EXOSC2: variants seen among roughly 807,000 people sequenced by gnomAD.
The protein encoded by EXOSC2 is exosome complex component RRP4.
EXOSC2 carries 29 observed loss-of-function variants against 37.6 expected under a neutral mutation model. The ratio of observed to expected loss-of-function variants is 0.77; its 90% confidence interval spans 0.57 to 1.05. EXOSC2 has a LOEUF of 1.05. Ranked by LOEUF, EXOSC2 falls within the 50% of genes least tolerant of loss-of-function variation. EXOSC2 has a pLI of 0.00. For missense variants in EXOSC2, 346 were observed against 365.6 expected (o/e 0.95, Z 0.44); for synonymous variants, 119 against 131.1 (o/e 0.91, Z 0.63).
intron 5 of EXOSC2, among the ~76,000 whole-genome samples, chr9:130,700,332 TA>T (rs1564257614): frequency 8.6e-6 from 1 of 116,444 alleles, no homozygotes; most frequent in Non-Finnish European, 1.8e-5. Flanking sequence ...GTCTTTATTT[TA>T]TTTATTTATT....
chr9:130,702,730 G>T (rs755000078), intron 7 of EXOSC2, among the ~76,000 whole-genome samples: 5 of 152,140 alleles, frequency 3.3e-5, no homozygotes, highest in Non-Finnish European at 2.9e-5. Flanking sequence ...GAGTAGCTGG[G>T]ATTACAGGTG....
At position 130,702,189 on chromosome 9, in the gene EXOSC2, C is replaced by T; in HGVS notation, c.551C>T (p.Thr184Ile). Reference sequence around the variant, plus strand: ...CCCTCCCTGGTGAAACGGCAGAAGACCCACTTTCATGATTTGCCATGTGGT... The same window carrying T: ...CCCTCCCTGGTGAAACGGCAGAAGATCCACTTTCATGATTTGCCATGTGGT... ...VSPSLVKRQK[T>I]HFHDLPCGAS... Residue 184 changes from threonine (T) to isoleucine (I), a missense_variant, in exon 7 of 9, where the codon ACC (threonine) becomes ATC (isoleucine). Thr to Ile is a moderately conservative substitution (Grantham distance 89). Transcript: ENST00000372358. 6.2e-7 allele frequency: 1 copy of T among 1,614,120 alleles called. No individual in the cohort carries two copies. The highest frequency in any genetic ancestry group is 8.5e-7 in the Non-Finnish European group (1 of 1,180,026).
rs746209114 is a variant in EXOSC2 at position 130,698,294 on chromosome 9, T to TG, written c.360+49dup. On this transcript the variant is annotated intron_variant, in intron 4 of 8. Coordinates refer to ENST00000372358, the MANE Select transcript of EXOSC2 (RefSeq NM_014285.7). The surrounding 1 kb of genome is among the most constrained non-coding windows in gnomAD (Gnocchi z 4.1). ...GGCCATGGACTAGGGCCCAGTGGGCTGGGGGGAGCCGTGGGACCCTTTGTT... is the reference window on the plus strand; with the variant it reads ...GGCCATGGACTAGGGCCCAGTGGGCTGGGGGGGAGCCGTGGGACCCTTTGTT... 1 of 1,577,078 alleles carries TG rather than the reference T, an allele frequency of 6.3e-7. No homozygotes were observed. Among genetic ancestry groups the TG allele is most frequent in the Non-Finnish European group, 8.7e-7 (1 of 1,148,300 alleles).
At chr9:130,702,910 C>T in intron 7 of EXOSC2, 143 bp from the exon 8 acceptor site, 2 of 1,015,342 alleles carry the variant, frequency 2.0e-6, no homozygotes, top group Non-Finnish European at 2.9e-6. Flanking sequence ...TTTTAATCTC[C>T]CTTGGAATTA....
At chr9:130,695,857 T>C (rs944693744) in intron 2 of EXOSC2, among the ~76,000 whole-genome samples, 3 of 131,694 alleles carry the variant, frequency 2.3e-5, no homozygotes, top group South Asian at 2.2e-4. Context: ...GATTTTCTCT[T>C]TTTTTTTTTT....
intron 1 of EXOSC2, 141 bp from the exon 2 acceptor site, chr9:130,695,351 A>T: frequency 2.9e-6 from 2 of 701,370 alleles, no homozygotes; most frequent in Non-Finnish European, 2.6e-6. Flanking sequence ...AGGAGCACTG[A>T]AGGCAGAGGG....
At chr9:130,702,437 C>A in intron 7 of EXOSC2, 127 bp downstream of exon 7, 1 of 711,954 alleles carries the variant, frequency 1.4e-6, no homozygotes, top group Non-Finnish European at 2.3e-6. Flanking sequence ...TTTGACTTTC[C>A]ATCACGGTAT....
intron 6 of EXOSC2, 140 bp downstream of exon 6, chr9:130,701,075 G>A (rs955275718): frequency 1.1e-5 from 8 of 741,710 alleles, no homozygotes; most frequent in South Asian, 5.2e-5. Context: ...CAAACTGATC[G>A]TGTTCCTTAA....
chr9:130,700,453 G>A (rs975172477), intron 5 of EXOSC2, among the ~76,000 whole-genome samples: 5 of 151,476 alleles, frequency 3.3e-5, no homozygotes, highest in Admixed American at 6.6e-5. Flanking sequence ...TCTGCCTCCC[G>A]GGTTCAAGCG....
Position 130,694,381 on chromosome 9 carries a change from G to A in EXOSC2, c.122+468G>A, listed in dbSNP as rs1831046231. Among the ~76,000 whole-genome samples the A allele has an allele frequency of 6.6e-6, 1 of 152,136 alleles. No homozygotes were observed. The highest frequency in any genetic ancestry group is 1.5e-5 in the Non-Finnish European group (1 of 68,038). On this transcript the variant is annotated intron_variant, in intron 1 of 8. Transcript: ENST00000372358. The surrounding 1 kb of genome is among the most constrained non-coding windows in gnomAD (Gnocchi z 4.0). ...CATTTATACACATTTTGAATCTAAGGGGTGTAGTGCAGTGTATTGTGGTTA... is the reference window on the plus strand; with the variant it reads ...CATTTATACACATTTTGAATCTAAGAGGTGTAGTGCAGTGTATTGTGGTTA...
Position 130,693,837 on chromosome 9 carries a change from G to T in EXOSC2, c.46G>T (p.Glu16Ter). The T allele has an allele frequency of 6.2e-7, 1 of 1,612,042 alleles. No homozygotes were observed. Among genetic ancestry groups the T allele is most frequent in the Non-Finnish European group, 8.5e-7 (1 of 1,178,638 alleles). ...RLPVARKPLS[E>*]RLGRDTKKHL... ...TCCAGTGGCTCGCAAGCCTCTTAGC[G>T]AGAGACTGGGCCGCGACACTAAGAA... Residue 16 changes from glutamate to a stop codon, truncating the protein, a stop_gained, in exon 1 of 9, where the codon GAG becomes TAG. Coordinates refer to ENST00000372358, the MANE Select transcript of EXOSC2 (RefSeq NM_014285.7). LOFTEE classifies it high-confidence loss of function.
intron 1 of EXOSC2, among the ~76,000 whole-genome samples, chr9:130,695,049 T>C (rs1831063042): frequency 6.6e-6 from 1 of 152,212 alleles, no homozygotes; most frequent in African/African-American, 2.4e-5. Context: ...TCATTAATGC[T>C]TTCAACATAT....
rs1389733641 is a variant in EXOSC2 at position 130,698,268 on chromosome 9, G to A, written c.360+17G>A. 4 of 1,612,692 alleles carry A rather than the reference G, an allele frequency of 2.5e-6. No homozygotes were observed. The South Asian group carries it at 3.3e-5, about 13-fold the overall frequency. On this transcript the variant is annotated intron_variant, in intron 4 of 8. Transcript: ENST00000372358. The surrounding 1 kb of genome is among the most constrained non-coding windows in gnomAD (Gnocchi z 4.1). ...GGAGAGCTGGTAAGGGCTACAGCTG[G>A]GGCCATGGACTAGGGCCCAGTGGGC...
Position 130,698,935 on chromosome 9 carries a change from AC to A in EXOSC2, c.361-393del, listed in dbSNP as rs1487929854. ...GAGTTGATCCTGGAAGGATGGAGAG[AC>A]TTTGAATGACTAGTTCAGGGAATCT... On this transcript the variant is annotated intron_variant, in intron 4 of 8. Transcript: ENST00000372358. This position sits in a 1 kb window ranked among gnomAD's most constrained non-coding sequence, Gnocchi z 4.1. Among the ~76,000 whole-genome samples, 2 of 152,188 alleles carry A rather than the reference AC, an allele frequency of 1.3e-5. No individual in the cohort carries two copies. Among genetic ancestry groups the A allele is most frequent in the Non-Finnish European group, 2.9e-5 (2 of 68,046 alleles).
At chr9:130,697,297 G>A (rs2269337) in intron 2 of EXOSC2, among the ~76,000 whole-genome samples, 53,747 of 152,084 alleles carry the variant, frequency 0.35, 12,921 homozygotes, top group African/African-American at 0.67. Flanking sequence ...AAAATAGTCC[G>A]TGTTTTTCAT....
intron 7 of EXOSC2, among the ~76,000 whole-genome samples, chr9:130,702,840 G>A (rs2314064): frequency 0.033 from 4,978 of 152,134 alleles, 102 homozygotes; most frequent in Middle Eastern, 0.065. Flanking sequence ...TGATCCACCC[G>A]CCTCGGCCTC....
chr9:130,701,037 C>G, intron 6 of EXOSC2, 102 bp downstream of exon 6: 1 of 1,089,726 alleles, frequency 9.2e-7, no homozygotes, highest in Non-Finnish European at 1.4e-6. Flanking sequence ...ACCCCAGTAG[C>G]TAAGCATTAA....
chr9:130,702,040 A>C, intron 6 of EXOSC2, 94 bp from the exon 7 acceptor site: 1 of 1,484,116 alleles, frequency 6.7e-7, no homozygotes, highest in Non-Finnish European at 9.0e-7. Flanking sequence ...GAAGGACACC[A>C]ATTTGAATAT....
chr9:130,693,789 A>G lies in EXOSC2; in HGVS notation c.-3A>G. On this transcript the variant is annotated 5_prime_UTR_variant, in exon 1 of 9. Transcript: ENST00000372358. ...TGCGCCTGCGCAACTCATTGGCGCC[A>G]AGATGGCGATGGAGATGAGGCTTCC... 1 of 1,601,764 alleles carries G rather than the reference A, an allele frequency of 6.2e-7. No homozygotes were observed. The highest frequency in any genetic ancestry group is 8.5e-7 in the Non-Finnish European group (1 of 1,171,588).
Sources: gnomAD v4.1 joint callset for allele counts (sites outside exome capture counted in the v4.1 genomes callset) on GRCh38, gnomAD v4.1.1 for gene constraint, Gnocchi (gnomAD v3.1) non-coding constraint, MANE v1.5 for transcripts, NCBI Gene and HGNC (gene_info 2026-07-23, HGNC 2026-07-21) for gene names.